Variants in CDC42EP4 observed in about 807,000 individuals in gnomAD.
CDC42EP4 encodes CDC42 effector protein 4, also known as CDC42 effector protein (Rho GTPase binding) 4.
CDC42EP4 carries 6 observed loss-of-function variants against 5.6 expected under a neutral mutation model. The ratio of observed to expected loss-of-function variants is 1.07; its 90% CI spans 0.59 to 2.12. The LOEUF (loss-of-function observed/expected upper bound fraction) is 2.12, where lower values mean the gene tolerates loss of function less well. Ranked by LOEUF, CDC42EP4 falls within the 30% of genes most tolerant of loss-of-function variation. The pLI, the probability that CDC42EP4 is intolerant of heterozygous loss-of-function variation, is 0.00. For missense variants in CDC42EP4, 490 were observed against 508.6 expected (o/e 0.96, Z 0.35); for synonymous variants, 230 against 224.2 (o/e 1.03, Z -0.23).
chr17:73,292,002 C>G (rs995057283), intron 1 of CDC42EP4, among the ~76,000 whole-genome samples: 1 of 152,196 alleles, frequency 6.6e-6, no homozygotes, highest in Non-Finnish European at 1.5e-5. Flanking sequence ...CCCAGCAGAC[C>G]CAGAGCAGAA....
rs956470214 is a variant in CDC42EP4 at position 73,284,720 on chromosome 17, G to C, written c.*710C>G. 3 of 152,220 alleles carry C rather than the reference G, an allele frequency of 2.0e-5. No individual in the cohort carries two copies. Among genetic ancestry groups the C allele is most frequent in the African/African-American group, 7.2e-5 (3 of 41,444 alleles). 9.4% of individuals were successfully genotyped at this position (152,220 alleles called of 1,614,324 possible). On this transcript the variant is annotated 3_prime_UTR_variant, in exon 2 of 2. Transcript: ENST00000335793. ...GAACAAACAAGCCCCTAGGGACTGA[G>C]CGAGTGCCCTAGCCCTGTTCCTAGT...
At chr17:73,294,455 C>T (rs1194106243) in intron 1 of CDC42EP4, among the ~76,000 whole-genome samples, 1 of 152,110 alleles carries the variant, frequency 6.6e-6, no homozygotes, top group Non-Finnish European at 1.5e-5. Context: ...CAAATATCTC[C>T]TTAAAATACC....
intron 1 of CDC42EP4, among the ~76,000 whole-genome samples, chr17:73,300,602 A>C (rs1330434618): frequency 1.6e-4 from 25 of 152,244 alleles, no homozygotes; most frequent in Non-Finnish European, 2.9e-5. Flanking sequence ...GTGGGAACCC[A>C]GTGAGGGATG....
rs547362762 is a variant in CDC42EP4, at chr17:73,297,001, A to AAAAAAAACAC, written c.-112-10390_-112-10389insGTGTTTTTTT. On this transcript the variant is annotated intron_variant, in intron 1 of 1. Coordinates refer to ENST00000335793, the MANE Select transcript of CDC42EP4 (RefSeq NM_012121.5). ...GTCTCAAAAAAAAAAAAAAAAAAAA[A>AAAAAAAACAC]AAATACACAAGGCCAAGCGCCGTGG... Among the ~76,000 whole-genome samples the AAAAAAAACAC allele has an allele frequency of 2.6e-3, 161 of 61,768 alleles. 41 individuals are homozygous for AAAAAAAACAC. Among genetic ancestry groups the AAAAAAAACAC allele is most frequent in the South Asian group, 7.1e-3 (13 of 1,828 alleles). The allele number at this position is 61,768 out of a possible 152,430, so 40.5% of individuals were successfully genotyped here. A position where few individuals can be genotyped will look rare whatever the true frequency, so the allele number is the denominator to read the frequency against.
In CDC42EP4 at chr17:73,306,330, T is replaced by TAA. The variant is rs56874446; in HGVS notation, c.-113+5561_-113+5562dup. ...GGGCAGCACAGTGAGACCCTGTCTC[T>TAA]AAAAAAAAAAAAAAAAATTAAATTA... On this transcript the variant is annotated intron_variant, in intron 1 of 1. Transcript: ENST00000335793. Among the ~76,000 whole-genome samples the TAA allele has an allele frequency of 3.1e-3, 411 of 133,816 alleles. 3 individuals are homozygous for TAA. The highest frequency in any genetic ancestry group is 9.1e-3 in the African/African-American group (328 of 35,974). The allele number at this position is 133,816 out of a possible 152,430, so 87.8% of individuals were successfully genotyped here.
intron 1 of CDC42EP4, among the ~76,000 whole-genome samples, chr17:73,288,017 AC>A (rs2062142814): frequency 6.6e-6 from 1 of 152,056 alleles, no homozygotes; most frequent in Non-Finnish European, 1.5e-5. Context: ...CTACTTTTGT[AC>A]CCTGATCTAT....
At chr17:73,299,709 C>T (rs991128363) in intron 1 of CDC42EP4, among the ~76,000 whole-genome samples, 1 of 152,162 alleles carries the variant, frequency 6.6e-6, no homozygotes. Context: ...GTGCAGGTGT[C>T]TGCAGCTGAG....
chr17:73,288,479 G>A (rs1397995257), intron 1 of CDC42EP4, among the ~76,000 whole-genome samples: 1 of 150,480 alleles, frequency 6.6e-6, no homozygotes, highest in Non-Finnish European at 1.5e-5. Flanking sequence ...GGCTGGTCTC[G>A]AACTCCTGAC....
chr17:73,303,847 A>G (rs571469841), intron 1 of CDC42EP4, among the ~76,000 whole-genome samples: 1 of 152,270 alleles, frequency 6.6e-6, no homozygotes, highest in South Asian at 2.1e-4. Context: ...CCACCACCTT[A>G]AGGAATGCAC....
At chr17:73,306,431 T>A (rs2062244509) in intron 1 of CDC42EP4, among the ~76,000 whole-genome samples, 1 of 152,012 alleles carries the variant, frequency 6.6e-6, no homozygotes, top group South Asian at 2.1e-4. Context: ...GCCCAGGAGT[T>A]TGAGGCTGCA....
intron 1 of CDC42EP4, among the ~76,000 whole-genome samples, chr17:73,297,022 C>T (rs916507206): frequency 4.9e-5 from 6 of 122,424 alleles, no homozygotes; most frequent in East Asian, 2.3e-4. Flanking sequence ...GGCCAAGCGC[C>T]GTGGCTCACA....
rs73996164 is a variant in CDC42EP4 at position 73,310,224 on chromosome 17, C to T, written c.-113+1669G>A. The stretch of plus-strand genomic sequence containing the variant: ...CTTTGTTCTCTTAAAATTCAGTCCA[C>T]CCTGCTGGTGGTCCCTCCTCCACCC... On this transcript the variant is annotated intron_variant, in intron 1 of 1. Coordinates refer to ENST00000335793, the MANE Select transcript of CDC42EP4 (RefSeq NM_012121.5). The T allele has an allele frequency of 5.5e-3, 844 of 152,338 alleles. 7 individuals are homozygous for T. Among genetic ancestry groups the T allele is most frequent in the East Asian group, 0.011 (56 of 5,178 alleles). 9.4% of individuals were successfully genotyped at this position (152,338 alleles called of 1,614,324 possible).
intron 1 of CDC42EP4, among the ~76,000 whole-genome samples, chr17:73,290,640 G>C (rs2062156897): frequency 6.6e-6 from 1 of 152,192 alleles, no homozygotes; most frequent in Non-Finnish European, 1.5e-5. Context: ...CAGCAGCCTT[G>C]AGTGAGAACA....
chr17:73,305,204 T>C (rs1428862699), intron 1 of CDC42EP4, among the ~76,000 whole-genome samples: 3 of 152,192 alleles, frequency 2.0e-5, no homozygotes, highest in Non-Finnish European at 4.4e-5. Flanking sequence ...GGGCCCTTCC[T>C]GGAAATGTGT....
At chr17:73,292,975 C>T (rs1043943569) in intron 1 of CDC42EP4, among the ~76,000 whole-genome samples, 1 of 152,128 alleles carries the variant, frequency 6.6e-6, no homozygotes, top group Non-Finnish European at 1.5e-5. Flanking sequence ...GCCTCGGCCT[C>T]CCAAAGTGCT....
intron 1 of CDC42EP4, among the ~76,000 whole-genome samples, chr17:73,289,668 G>T (rs1226718092): frequency 4.3e-5 from 6 of 140,950 alleles, no homozygotes; most frequent in African/African-American, 1.5e-4. Flanking sequence ...TATCATATAT[G>T]ACCCTCTTGG....
At chr17:73,311,706 G>A (rs894076206) in intron 1 of CDC42EP4, among the ~76,000 whole-genome samples, 187 bp downstream of exon 1, 5 of 152,234 alleles carry the variant, frequency 3.3e-5, no homozygotes, top group African/African-American at 7.2e-5. Flanking sequence ...CAGGCACCGC[G>A]GTGGGCGCGG....
chr17:73,304,416 G>A (rs1161632313), intron 1 of CDC42EP4, among the ~76,000 whole-genome samples: 1 of 151,802 alleles, frequency 6.6e-6, no homozygotes, highest in Non-Finnish European at 1.5e-5. Context: ...CAAAGTGCTG[G>A]GACGATAAAC....
In CDC42EP4 at chr17:73,285,979, G is replaced by T; in HGVS notation, c.522C>A (p.Ser174=). The change falls in exon 2 of 2, where the codon TCC becomes TCA. Residue 174 remains serine (S), a synonymous_variant. Coordinates refer to ENST00000335793, the MANE Select transcript of CDC42EP4 (RefSeq NM_012121.5). This position sits in a 1 kb window ranked among gnomAD's most constrained non-coding sequence, Gnocchi z 6.8. ...PRRNGAAGPH[S]PDPLLDEQAF... Reference sequence around the variant, plus strand: ...CCTGCTCATCGAGGAGGGGGTCAGGGGAATGTGGACCCGCGGCCCCATTCC... The same window carrying T: ...CCTGCTCATCGAGGAGGGGGTCAGGTGAATGTGGACCCGCGGCCCCATTCC... 1 of 1,613,496 alleles carries T rather than the reference G, an allele frequency of 6.2e-7. No homozygotes were observed.
Sources: allele counts gnomAD v4.1 joint callset (sites outside exome capture counted in the v4.1 genomes callset), GRCh38; gene constraint gnomAD v4.1.1; non-coding constraint Gnocchi (gnomAD v3.1); transcripts MANE v1.5; gene names NCBI Gene and HGNC (gene_info 2026-07-23, HGNC 2026-07-21).